Variants in LMX1B observed in about 807,000 individuals in gnomAD.
LMX1B encodes LIM homeobox transcription factor 1-beta.
In LMX1B, 12 loss-of-function variants were observed where a neutral mutation model predicts 51.4. That is an observed-to-expected ratio of 0.23 (90% CI 0.15 to 0.38). The LOEUF (loss-of-function observed/expected upper bound fraction) is 0.38, where lower values mean the gene tolerates loss of function less well. LMX1B is among the 10% of genes least tolerant of loss of function. The probability of loss-of-function intolerance (pLI) is 1.00; values close to 1 mark genes in which losing one functional copy is unlikely to be tolerated. For synonymous variants in LMX1B, 237 were observed against 235.4 expected (o/e 1.01, Z -0.06); for missense variants, 445 against 571.1 (o/e 0.78, Z 2.25).
rs545253871 is a variant in LMX1B at position 126,658,037 on chromosome 9, G to A, written c.327-32799G>A. 7.0e-4 allele frequency among the ~76,000 whole-genome samples: 106 copies of A among 152,222 alleles called. No individual in the cohort carries two copies. The South Asian group carries it at 9.9e-3, about 14-fold the overall frequency. On this transcript the variant is annotated intron_variant, in intron 2 of 7. Transcript: ENST00000373474. The surrounding 1 kb of genome is among the most constrained non-coding windows in gnomAD (Gnocchi z 4.0). Reference sequence around the variant, plus strand: ...GAGGCCCTACTTAGGTCCTTGCTTGGGGGAATAAGCAGTGGGATGGGGAGG... The same window carrying A: ...GAGGCCCTACTTAGGTCCTTGCTTGAGGGAATAAGCAGTGGGATGGGGAGG...
Position 126,699,002 on chromosome 9 carries a change from GAGC to G in LMX1B, c.*2558_*2560del, listed in dbSNP as rs1434793688. The G allele has an allele frequency of 1.3e-5, 2 of 151,680 alleles. No individual in the cohort carries two copies. The highest frequency in any genetic ancestry group is 2.9e-5 in the Non-Finnish European group (2 of 68,012). 9.4% of individuals were successfully genotyped at this position (151,680 alleles called of 1,614,324 possible). On this transcript the variant is annotated 3_prime_UTR_variant, in exon 8 of 8. Transcript: ENST00000373474. ...GGGTCCGTGCCACCATGGGTCTCTT[GAGC>G]AGCAGCTGCACTGGCTTCTGGAGAG... is the stretch of plus-strand genomic sequence containing the variant.
At position 126,687,746 on chromosome 9, in the gene LMX1B, G is replaced by A. The variant is rs183951188; in HGVS notation, c.327-3090G>A. 1.9e-3 allele frequency among the ~76,000 whole-genome samples: 292 copies of A among 152,150 alleles called. 2 individuals carry two copies. The highest frequency in any genetic ancestry group is 6.7e-3 in the African/African-American group (279 of 41,520). On this transcript the variant is annotated intron_variant, in intron 2 of 7. Coordinates refer to ENST00000373474, the MANE Select transcript of LMX1B (RefSeq NM_001174147.2). Reference sequence around the variant, plus strand: ...GCTCGAGAAGAAAAATTACTTGCCCGGTCACCAGCTAGCAAGTGGTGGGAC... The same window carrying A: ...GCTCGAGAAGAAAAATTACTTGCCCAGTCACCAGCTAGCAAGTGGTGGGAC...
chr9:126,635,034 G>A (rs1835691847), intron 2 of LMX1B, among the ~76,000 whole-genome samples: 1 of 152,204 alleles, frequency 6.6e-6, no homozygotes, highest in Non-Finnish European at 1.5e-5. Context: ...AGCACCCGCT[G>A]CATGCCAGCC....
intron 2 of LMX1B, among the ~76,000 whole-genome samples, chr9:126,672,914 C>T (rs372702392): frequency 3.9e-5 from 6 of 152,238 alleles, no homozygotes; most frequent in Admixed American, 3.3e-4. Context: ...AGGCCAGTGA[C>T]GTGCCCAGGC....
rs1835531086 is a variant in LMX1B at position 126,626,316 on chromosome 9, G to A, written c.326+10747G>A. ...TCACCTCGTAAAAGCGACAGGCAAGGACTGTTTTATGGGGAGGGAGAAGGA... is the reference window on the plus strand; with the variant it reads ...TCACCTCGTAAAAGCGACAGGCAAGAACTGTTTTATGGGGAGGGAGAAGGA... On this transcript the variant is annotated intron_variant, in intron 2 of 7. Coordinates refer to ENST00000373474, the MANE Select transcript of LMX1B (RefSeq NM_001174147.2). This position sits in a 1 kb window ranked among gnomAD's most constrained non-coding sequence, Gnocchi z 4.3. Among the ~76,000 whole-genome samples, 1 of 152,210 alleles carries A rather than the reference G, an allele frequency of 6.6e-6. No homozygotes were observed. Among genetic ancestry groups the A allele is most frequent in the Admixed American group, 6.5e-5 (1 of 15,288 alleles).
intron 2 of LMX1B, among the ~76,000 whole-genome samples, chr9:126,659,745 T>A (rs915479712): frequency 1.3e-5 from 2 of 152,074 alleles, no homozygotes; most frequent in Non-Finnish European, 2.9e-5. Context: ...TGTGTGTTTG[T>A]CTACACTAGC....
chr9:126,689,496 G>T (rs1392162761), intron 2 of LMX1B, among the ~76,000 whole-genome samples: 1 of 152,244 alleles, frequency 6.6e-6, no homozygotes, highest in Non-Finnish European at 1.5e-5. Context: ...ATGAAAAATG[G>T]TTTTAATTCC....
In LMX1B at chr9:126,696,016, A is replaced by ACCCT; in HGVS notation, c.1051+16_1051+17insTCCC. On this transcript the variant is annotated intron_variant, in intron 7 of 7. Transcript: ENST00000373474. ...ATGAACCCCTATGGTAAGCCGCCCT[A>ACCCT]CCCCCACCCGCCCGCCCCAGCACAG... is the stretch of plus-strand genomic sequence containing the variant. 6.6e-7 allele frequency: 1 copy of ACCCT among 1,512,704 alleles called. No homozygotes were observed. The highest frequency in any genetic ancestry group is 1.3e-5 in the South Asian group (1 of 78,868). 93.7% of individuals were successfully genotyped at this position (1,512,704 alleles called of 1,614,324 possible). A position where few individuals can be genotyped will look rare whatever the true frequency, so the allele number is the denominator to read the frequency against.
rs189620928 is a variant in LMX1B at position 126,618,581 on chromosome 9, G to A, written c.326+3012G>A. Reference sequence around the variant, plus strand: ...CGGACAGAAAACCAGTTAGGAAACGGAGAGGAAACGCAGCCTCCCCCAAAT... The same window carrying A: ...CGGACAGAAAACCAGTTAGGAAACGAAGAGGAAACGCAGCCTCCCCCAAAT... On this transcript the variant is annotated intron_variant, in intron 2 of 7. Coordinates refer to ENST00000373474, the MANE Select transcript of LMX1B (RefSeq NM_001174147.2). The surrounding 1 kb of genome is among the most constrained non-coding windows in gnomAD (Gnocchi z 4.5). 7.2e-5 allele frequency among the ~76,000 whole-genome samples: 11 copies of A among 152,300 alleles called. No homozygotes were observed. The highest frequency in any genetic ancestry group is 7.2e-4 in the Admixed American group (11 of 15,304).
intron 2 of LMX1B, among the ~76,000 whole-genome samples, chr9:126,672,967 C>T (rs564405981): frequency 1.6e-4 from 24 of 152,350 alleles, no homozygotes; most frequent in Admixed American, 1.3e-3. Flanking sequence ...GTGCGCCTCT[C>T]GCCGCCCACC....
chr9:126,662,707 C>T (rs1316914726), intron 2 of LMX1B, among the ~76,000 whole-genome samples: 1 of 152,242 alleles, frequency 6.6e-6, no homozygotes, highest in Non-Finnish European at 1.5e-5. Context: ...CCAAGCTGGG[C>T]ACAGAGGGCC....
At chr9:126,653,557 T>C (rs767487593) in intron 2 of LMX1B, among the ~76,000 whole-genome samples, 1 of 152,214 alleles carries the variant, frequency 6.6e-6, no homozygotes, top group Non-Finnish European at 1.5e-5. Context: ...TGCCCAGTCT[T>C]GCACAGCCGC....
At chr9:126,627,783 G>A (rs1835562645) in intron 2 of LMX1B, among the ~76,000 whole-genome samples, 1 of 152,152 alleles carries the variant, frequency 6.6e-6, no homozygotes, top group African/African-American at 2.4e-5. Flanking sequence ...GAAAACCAAG[G>A]TCCAAGTGCA....
chr9:126,625,570 G>A lies in LMX1B; in HGVS notation c.326+10001G>A, dbSNP rs1296857579. 6.6e-6 allele frequency among the ~76,000 whole-genome samples: 1 copy of A among 152,190 alleles called. No homozygotes were observed. Among genetic ancestry groups the A allele is most frequent in the Non-Finnish European group, 1.5e-5 (1 of 68,030 alleles). The stretch of plus-strand genomic sequence containing the variant: ...CCCTGGGACTAATGTCGCAGCGCTC[G>A]CACTCCTGCAGGTCTCCAGGGTTGG... On this transcript the variant is annotated intron_variant, in intron 2 of 7. Coordinates refer to ENST00000373474, the MANE Select transcript of LMX1B (RefSeq NM_001174147.2). The surrounding 1 kb of genome is among the most constrained non-coding windows in gnomAD (Gnocchi z 5.3).
intron 2 of LMX1B, among the ~76,000 whole-genome samples, chr9:126,660,632 T>C (rs897896592): frequency 6.6e-6 from 1 of 152,154 alleles, no homozygotes; most frequent in Non-Finnish European, 1.5e-5. Context: ...GTGAAAGGCT[T>C]GTATCAAAGC....
chr9:126,697,833 C>G lies in LMX1B; in HGVS notation c.*1382C>G, dbSNP rs1425137450. The G allele has an allele frequency of 6.8e-6, 1 of 146,576 alleles. No homozygotes were observed. The highest frequency in any genetic ancestry group is 1.5e-5 in the Non-Finnish European group (1 of 67,006). 9.1% of individuals were successfully genotyped at this position (146,576 alleles called of 1,614,324 possible). ...TCTGTGTATATGCAGGATGGGGGCA[C>G]CTACTGTTTTGTTTTGTTTTGTTTT... is the stretch of plus-strand genomic sequence containing the variant. On this transcript the variant is annotated 3_prime_UTR_variant, in exon 8 of 8. Coordinates refer to ENST00000373474, the MANE Select transcript of LMX1B (RefSeq NM_001174147.2).
At chr9:126,631,018 G>A (rs895035321) in intron 2 of LMX1B, among the ~76,000 whole-genome samples, 2 of 152,242 alleles carry the variant, frequency 1.3e-5, no homozygotes, top group East Asian at 1.9e-4. Context: ...ACGTGCCCCC[G>A]CCTGCCCACC....
chr9:126,616,102 A>T (rs1835298497), intron 2 of LMX1B, among the ~76,000 whole-genome samples: 1 of 152,166 alleles, frequency 6.6e-6, no homozygotes, highest in African/African-American at 2.4e-5. Flanking sequence ...TGGAGAGAAA[A>T]GAATGTCCAT....
intron 2 of LMX1B, among the ~76,000 whole-genome samples, chr9:126,675,313 G>A (rs1460306484): frequency 6.6e-6 from 1 of 152,202 alleles, no homozygotes; most frequent in Admixed American, 6.5e-5. Flanking sequence ...CTGGGGAGGG[G>A]ACCGATGGCT....
Sources: allele counts gnomAD v4.1 joint callset (sites outside exome capture counted in the v4.1 genomes callset), GRCh38; gene constraint gnomAD v4.1.1; non-coding constraint Gnocchi (gnomAD v3.1); transcripts MANE v1.5; gene names NCBI Gene and HGNC (gene_info 2026-07-23, HGNC 2026-07-21).